XKR6: variants seen among roughly 807,000 people sequenced by gnomAD.
The protein encoded by XKR6 is XK related 6, also known as XK-related protein 6.
A neutral mutation model predicts 56.7 loss-of-function variants in XKR6; 22 were observed. The observed-to-expected ratio is 0.39, with a 90% CI of 0.28 to 0.55. The LOEUF is 0.55. XKR6 is among the 20% of genes least tolerant of loss of function. XKR6 has a pLI of 0.66. For missense variants in XKR6, 852 were observed against 889.0 expected (o/e 0.96, Z 0.53); for synonymous variants, 524 against 387.8 (o/e 1.35, Z -4.13).
intron 1 of XKR6, among the ~76,000 whole-genome samples, chr8:11,028,352 G>A (rs935253628): frequency 2.6e-5 from 4 of 152,232 alleles, no homozygotes; most frequent in African/African-American, 9.6e-5. Flanking sequence ...CCGTTCACCT[G>A]CTGACGGACA....
At chr8:11,173,874 T>C (rs1802510990) in intron 1 of XKR6, among the ~76,000 whole-genome samples, 1 of 152,138 alleles carries the variant, frequency 6.6e-6, no homozygotes, top group African/African-American at 2.4e-5. Context: ...ACAGATCACT[T>C]GGACACCTAG....
At chr8:11,058,980 C>A (rs1305934263) in intron 1 of XKR6, among the ~76,000 whole-genome samples, 1 of 152,186 alleles carries the variant, frequency 6.6e-6, no homozygotes, top group East Asian at 1.9e-4. Context: ...TGGGATTATC[C>A]CCGCTTTACA....
intron 1 of XKR6, among the ~76,000 whole-genome samples, chr8:11,055,278 T>C (rs1208834590): frequency 6.6e-6 from 1 of 151,202 alleles, no homozygotes; most frequent in African/African-American, 2.4e-5. Context: ...ACATGGAGGC[T>C]GCAGGCAGGC....
chr8:11,036,685 A>G (rs76904193), intron 1 of XKR6, among the ~76,000 whole-genome samples: 6,024 of 152,344 alleles, frequency 0.04, 431 homozygotes, highest in African/African-American at 0.14. Context: ...GGAGGGTTCA[A>G]CAGAAGTTTA....
At chr8:11,089,368 T>TG in intron 1 of XKR6, among the ~76,000 whole-genome samples, 1 of 152,346 alleles carries the variant, frequency 6.6e-6, no homozygotes, top group East Asian at 1.9e-4. Context: ...CAGTGGCTCA[T>TG]GCCTGTAATC....
At chr8:11,073,314 T>C (rs557234125) in intron 1 of XKR6, among the ~76,000 whole-genome samples, 2 of 152,218 alleles carry the variant, frequency 1.3e-5, no homozygotes, top group East Asian at 3.9e-4. Flanking sequence ...TGGCAGAGGG[T>C]CACCTATGTG....
intron 1 of XKR6, among the ~76,000 whole-genome samples, chr8:11,178,696 T>C (rs935525992): frequency 7.2e-6 from 1 of 139,772 alleles, no homozygotes; most frequent in African/African-American, 3.1e-5. Context: ...TATATATGTA[T>C]ATCGGGGGGA....
chr8:11,170,325 T>C (rs966987194), intron 1 of XKR6, among the ~76,000 whole-genome samples: 2 of 152,188 alleles, frequency 1.3e-5, no homozygotes, highest in East Asian at 3.8e-4. Flanking sequence ...ACTAAAAGGA[T>C]GAACAAAATG....
At chr8:10,913,669 C>T (rs1418721546) in intron 2 of XKR6, among the ~76,000 whole-genome samples, 4 of 152,202 alleles carry the variant, frequency 2.6e-5, no homozygotes, top group African/African-American at 9.7e-5. Context: ...TGCACTCAGC[C>T]GTCGATGCAG....
intron 1 of XKR6, among the ~76,000 whole-genome samples, chr8:10,959,041 G>C (rs1801980874): frequency 6.6e-6 from 1 of 152,252 alleles, no homozygotes; most frequent in African/African-American, 2.4e-5. Flanking sequence ...TCTGTAACCA[G>C]AGTGTGACGC....
intron 1 of XKR6, among the ~76,000 whole-genome samples, chr8:10,987,755 C>T (rs1352055117): frequency 2.0e-5 from 3 of 152,210 alleles, no homozygotes; most frequent in East Asian, 1.9e-4. Context: ...ATAATATGGG[C>T]CCAGTTTTCT....
intron 1 of XKR6, among the ~76,000 whole-genome samples, chr8:11,190,398 G>C (rs886199553): frequency 8.5e-5 from 13 of 152,112 alleles, no homozygotes; most frequent in Admixed American, 7.9e-4. Flanking sequence ...TATTTACATG[G>C]GACCTGTGGG....
At chr8:11,192,992 C>T (rs1563209323) in intron 1 of XKR6, among the ~76,000 whole-genome samples, 1 of 152,186 alleles carries the variant, frequency 6.6e-6, no homozygotes, top group Non-Finnish European at 1.5e-5. Flanking sequence ...TTTGTCCTGT[C>T]TATTTAAGAC....
chr8:10,961,625 A>G (rs1036803071), intron 1 of XKR6, among the ~76,000 whole-genome samples: 1 of 152,238 alleles, frequency 6.6e-6, no homozygotes, highest in Non-Finnish European at 1.5e-5. Context: ...TGGGTGGCAA[A>G]CACAGACCCA....
intron 1 of XKR6, among the ~76,000 whole-genome samples, chr8:11,094,211 G>C (rs1262820313): frequency 6.6e-6 from 1 of 151,728 alleles, no homozygotes; most frequent in Non-Finnish European, 1.5e-5. Context: ...TTACAAAGGA[G>C]CAGAGCCAAG....
At chr8:10,924,564 G>C (rs1358013395) in intron 2 of XKR6, 70 bp downstream of exon 2, 3 of 1,536,648 alleles carry the variant, frequency 2.0e-6, no homozygotes, top group Non-Finnish European at 2.6e-6. Context: ...CACGAAGTGT[G>C]TGGGAGGCGG....
intron 1 of XKR6, among the ~76,000 whole-genome samples, chr8:11,196,269 T>TAA (rs1385663114): frequency 6.6e-6 from 1 of 152,210 alleles, no homozygotes; most frequent in Non-Finnish European, 1.5e-5. Context: ...ACTTCAGAAT[T>TAA]AAACAGAATT....
intron 1 of XKR6, among the ~76,000 whole-genome samples, chr8:11,067,651 G>A (rs1238231951): frequency 6.6e-6 from 1 of 152,264 alleles, no homozygotes; most frequent in Non-Finnish European, 1.5e-5. Context: ...GCTGAGGGGA[G>A]TTGAGACAGG....
intron 1 of XKR6, among the ~76,000 whole-genome samples, chr8:11,114,566 G>T (rs577120364): frequency 6.6e-6 from 1 of 152,164 alleles, no homozygotes; most frequent in Non-Finnish European, 1.5e-5. Flanking sequence ...TCACCATGTT[G>T]GCTGGGCTGG....
Sources: gnomAD v4.1 joint callset for allele counts (sites outside exome capture counted in the v4.1 genomes callset) on GRCh38, gnomAD v4.1.1 for gene constraint, MANE v1.5 for transcripts, NCBI Gene and HGNC (gene_info 2026-07-23, HGNC 2026-07-21) for gene names.